Variants in DOCK5 observed in about 807,000 individuals in gnomAD.
DOCK5 encodes the protein dedicator of cytokinesis protein 5.
In DOCK5, 142 loss-of-function variants were observed where a neutral mutation model predicts 251.8. The observed-to-expected ratio is 0.56, with a 90% CI of 0.49 to 0.65. DOCK5 has a LOEUF of 0.65. DOCK5 is among the 30% of genes least tolerant of loss of function. DOCK5 has a pLI of 0.00. For missense variants in DOCK5, 2,111 were observed against 2,312.3 expected (o/e 0.91, Z 1.79); for synonymous variants, 842 against 835.5 (o/e 1.01, Z -0.13).
intron 1 of DOCK5, among the ~76,000 whole-genome samples, chr8:25,225,811 T>G (rs974860475): frequency 1.3e-5 from 2 of 152,174 alleles, no homozygotes; most frequent in Non-Finnish European, 2.9e-5. Flanking sequence ...ACTGTGTGGT[T>G]CTACTTATAT....
chr8:25,286,693 T>G (rs1804343320), intron 5 of DOCK5, among the ~76,000 whole-genome samples: 1 of 152,010 alleles, frequency 6.6e-6, no homozygotes, highest in African/African-American at 2.4e-5. Flanking sequence ...AGATAGGGTC[T>G]CGTTCTGCCA....
chr8:25,303,527 T>G (rs528751085), intron 10 of DOCK5, among the ~76,000 whole-genome samples: 1 of 152,326 alleles, frequency 6.6e-6, no homozygotes, highest in South Asian at 2.1e-4. Context: ...TTTGTTCAAT[T>G]GAGGAAATAC....
intron 5 of DOCK5, among the ~76,000 whole-genome samples, chr8:25,282,254 C>G (rs992602271): frequency 6.6e-6 from 1 of 151,284 alleles, no homozygotes; most frequent in Admixed American, 6.6e-5. Context: ...CTGTCCCTTC[C>G]TAAAGCATTG....
chr8:25,330,345 T>G (rs946251597), intron 18 of DOCK5, among the ~76,000 whole-genome samples: 1 of 152,176 alleles, frequency 6.6e-6, no homozygotes, highest in Admixed American at 6.5e-5. Flanking sequence ...TAAGGCAAGA[T>G]AAAAGAATGA....
intron 2 of DOCK5, among the ~76,000 whole-genome samples, chr8:25,249,943 A>G (rs953218534): frequency 6.6e-6 from 1 of 152,216 alleles, no homozygotes; most frequent in Non-Finnish European, 1.5e-5. Context: ...TGTATTATGT[A>G]GGTACATTAT....
intron 46 of DOCK5, 62 bp from the exon 47 acceptor site, chr8:25,400,867 C>T: frequency 6.3e-7 from 1 of 1,594,538 alleles, no homozygotes; most frequent in South Asian, 1.1e-5. Flanking sequence ...CCTTCCCCAA[C>T]CAAATCAAAA....
intron 37 of DOCK5, chr8:25,376,354 T>G (rs1282565708): frequency 1.0e-6 from 1 of 985,236 alleles, no homozygotes; most frequent in Non-Finnish European, 1.2e-6. Context: ...ACATTTTGCT[T>G]ATTGGTATAA....
At chr8:25,210,045 T>TATAAA (rs1563309191) in intron 1 of DOCK5, among the ~76,000 whole-genome samples, 1 of 20,650 alleles carries the variant, frequency 4.8e-5, no homozygotes, top group African/African-American at 2.3e-4. Context: ...AATGTGTGTG[T>TATAAA]GTGTGTGTGT....
intron 5 of DOCK5, among the ~76,000 whole-genome samples, chr8:25,288,969 T>A (rs1804412259): frequency 6.6e-6 from 1 of 152,260 alleles, no homozygotes; most frequent in Admixed American, 6.5e-5. Flanking sequence ...TGTGTTTTTT[T>A]AAGATCAGTG....
At chr8:25,299,197 A>G (rs1038866713) in intron 8 of DOCK5, 96 bp downstream of exon 8, 1 of 1,373,702 alleles carries the variant, frequency 7.3e-7, no homozygotes, top group East Asian at 2.4e-5. Context: ...ATTTGAGAAG[A>G]GAAAATAGGG....
At chr8:25,246,760 G>T (rs1803128670) in intron 2 of DOCK5, among the ~76,000 whole-genome samples, 1 of 145,900 alleles carries the variant, frequency 6.9e-6, no homozygotes, top group African/African-American at 2.8e-5. Flanking sequence ...GTGTGTGGCG[G>T]GGGCGGGGTG....
At position 25,412,977 on chromosome 8, in the gene DOCK5, T is replaced by C. The variant is rs565659177; in HGVS notation, c.*1679T>C. On this transcript the variant is annotated 3_prime_UTR_variant, in exon 52 of 52. Transcript: ENST00000276440. ...TACCCCCACCCAGGAAAACCTGCAT[T>C]GTGCTAGCATGGAAGAATCATGGGC... 1 of 152,154 alleles carries C rather than the reference T, an allele frequency of 6.6e-6. No individual in the cohort carries two copies. Among genetic ancestry groups the C allele is most frequent in the Non-Finnish European group, 1.5e-5 (1 of 68,024 alleles). 9.4% of individuals were successfully genotyped at this position (152,154 alleles called of 1,614,324 possible). A position where few individuals can be genotyped will look rare whatever the true frequency, so the allele number is the denominator to read the frequency against.
chr8:25,187,311 G>A (rs57421193), intron 1 of DOCK5, among the ~76,000 whole-genome samples: 13,014 of 146,994 alleles, frequency 0.089, 969 homozygotes, highest in African/African-American at 0.19. Flanking sequence ...ATGTATATAT[G>A]CGTATATGTG....
At chr8:25,275,694 G>A (rs796227610) in intron 4 of DOCK5, among the ~76,000 whole-genome samples, 6 of 152,178 alleles carry the variant, frequency 3.9e-5, no homozygotes, top group African/African-American at 1.4e-4. Context: ...AAGTTAGCTG[G>A]GCTTGGTGGT....
At chr8:25,355,477 TGTCA>T (rs775383330) in intron 27 of DOCK5, among the ~76,000 whole-genome samples, 1 of 152,192 alleles carries the variant, frequency 6.6e-6, no homozygotes, top group Non-Finnish European at 1.5e-5. Context: ...TGAGACAGGG[TGTCA>T]CTCTGTCAGC....
In DOCK5 at chr8:25,221,161, G is replaced by T. The variant is rs529182774; in HGVS notation, c.44-22513G>T. On this transcript the variant is annotated intron_variant, in intron 1 of 51. Transcript: ENST00000276440. ...TTTAGCTTGTTTGCTGCTTCTCCCA[G>T]TTTATTACTGAACTTTATGTTTAAT... Among the ~76,000 whole-genome samples the T allele has an allele frequency of 1.3e-3, 195 of 152,196 alleles. 1 individual carries two copies. The highest frequency in any genetic ancestry group is 2.5e-3 in the Non-Finnish European group (169 of 68,004).
Position 25,321,027 on chromosome 8 carries a change from C to G in DOCK5, c.1590C>G (p.Thr530=). 6.2e-7 allele frequency: 1 copy of G among 1,613,510 alleles called. No homozygotes were observed. The highest frequency in any genetic ancestry group is 8.5e-7 in the Non-Finnish European group (1 of 1,179,736). The part of the protein sequence containing the change: ...EEVTRCHIRF[T]FRHRSSQETR... ...TCACACGCTGTCATATAAGATTTAC[C>G]TTCCGACACAGGTCATCTCAGGAAA... The change falls in exon 16 of 52, where the codon ACC becomes ACG. Residue 530 remains threonine, a synonymous_variant. Coordinates refer to ENST00000276440, the MANE Select transcript of DOCK5 (RefSeq NM_024940.8).
chr8:25,334,489 T>C (rs1242120901), intron 21 of DOCK5, among the ~76,000 whole-genome samples: 1 of 152,070 alleles, frequency 6.6e-6, no homozygotes, highest in African/African-American at 2.4e-5. Flanking sequence ...GTGGGGAGGA[T>C]TGCTTGAGGC....
chr8:25,304,617 T>G (rs924589447), intron 11 of DOCK5: 2 of 319,250 alleles, frequency 6.3e-6, no homozygotes, highest in African/African-American at 2.1e-5. Context: ...CGTCCTTGTG[T>G]CAGCAATGCC....
Sources: gnomAD v4.1 joint callset for allele counts (sites outside exome capture counted in the v4.1 genomes callset) on GRCh38, gnomAD v4.1.1 for gene constraint, MANE v1.5 for transcripts, NCBI Gene and HGNC (gene_info 2026-07-23, HGNC 2026-07-21) for gene names.